GPSM1: variants seen among roughly 807,000 people sequenced by gnomAD.
GPSM1 encodes G protein-signaling modulator 1.
GPSM1 carries 48 observed loss-of-function variants against 70.5 expected under a neutral mutation model. The ratio of observed to expected loss-of-function variants is 0.68; its 90% CI spans 0.54 to 0.87. The LOEUF (loss-of-function observed/expected upper bound fraction) is 0.87. Ranked by LOEUF, GPSM1 falls within the 40% of genes least tolerant of loss-of-function variation. GPSM1 has a pLI of 0.00. For synonymous variants in GPSM1, 416 were observed against 430.1 expected, an observed-to-expected ratio of 0.97 and a Z score of 0.41; for missense variants, 981 against 972.6, an observed-to-expected ratio of 1.01 and a Z score of -0.11.
chr9:136,336,023 C>G lies in GPSM1; in HGVS notation c.348C>G (p.Leu116=), dbSNP rs782297114. 6.8e-6 allele frequency: 11 copies of G among 1,612,610 alleles called. No individual in the cohort carries two copies. The South Asian group carries it at 1.1e-4, about 16-fold the overall frequency. The change falls in exon 3 of 14, where the codon CTC becomes CTG. Residue 116 remains leucine (L), a synonymous_variant. Coordinates refer to ENST00000440944, the MANE Select transcript of GPSM1 (RefSeq NM_001145638.3). The stretch of plus-strand genomic sequence containing the variant: ...CCAGTGGAAACCTGGGAAACACACT[C>G]AAGGTCCTGGGGCGCTTCGACGAGG... ...AKASGNLGNT[L]KVLGRFDEAA... is the part of the protein sequence containing the mutation.
intron 9 of GPSM1, among the ~76,000 whole-genome samples, chr9:136,345,043 G>A (rs781900939): frequency 7.9e-5 from 12 of 152,216 alleles, no homozygotes; most frequent in Non-Finnish European, 1.5e-4. Context: ...GCAGTGAGGC[G>A]GGGACAGACT....
chr9:136,350,541 C>G (rs182560439), intron 11 of GPSM1, among the ~76,000 whole-genome samples: 2 of 152,190 alleles, frequency 1.3e-5, no homozygotes, highest in African/African-American at 4.8e-5. Context: ...GGGGCAGGAC[C>G]GATGGTGAGT....
At chr9:136,337,993 A>G in intron 6 of GPSM1, 32 bp downstream of exon 6, 1 of 1,423,944 alleles carries the variant, frequency 7.0e-7, no homozygotes, top group Non-Finnish European at 9.8e-7. Context: ...CCAGGGAGAC[A>G]GCAGGCCGGG....
At chr9:136,331,136 G>A (rs1332078646) in intron 1 of GPSM1, among the ~76,000 whole-genome samples, 3 of 152,198 alleles carry the variant, frequency 2.0e-5, no homozygotes, top group African/African-American at 4.8e-5. Context: ...GAAGCTGGGA[G>A]CCCAGCTGAG....
At chr9:136,356,582 C>G (rs549837196) in intron 13 of GPSM1, 32 bp downstream of exon 13, 1 of 1,537,568 alleles carries the variant, frequency 6.5e-7, no homozygotes, top group African/African-American at 1.4e-5. Flanking sequence ...GCGTGGCTCG[C>G]GGCCCCTTTG....
chr9:136,331,373 C>CCA (rs1832095794), intron 1 of GPSM1, among the ~76,000 whole-genome samples: 1 of 151,228 alleles, frequency 6.6e-6, no homozygotes, highest in Non-Finnish European at 1.5e-5. Context: ...AGCCCCCCCC[C>CCA]CCCGCTGCCC....
In GPSM1 at chr9:136,340,225, C is replaced by T. The variant is rs1303657670; in HGVS notation, c.1083+410C>T. Among the ~76,000 whole-genome samples, 1 of 152,178 alleles carries T rather than the reference C, an allele frequency of 6.6e-6. No homozygotes were observed. ...AGCCTGTTCATGCTAAAGACGGTGC[C>T]AGCCCCTACTGACCACCATAGACCC... On this transcript the variant is annotated intron_variant, in intron 8 of 13. Transcript: ENST00000440944. This position sits in a 1 kb window ranked among gnomAD's most constrained non-coding sequence, Gnocchi z 7.3.
Position 136,354,942 on chromosome 9 carries a change from G to A in GPSM1, c.1456-748G>A, listed in dbSNP as rs78552975. 7.7e-6 allele frequency: 8 copies of A among 1,034,536 alleles called. No individual in the cohort carries two copies. The South Asian group carries it at 1.2e-4, about 16-fold the overall frequency. The allele number at this position is 1,034,536 out of a possible 1,614,324, so 64.1% of individuals were successfully genotyped here. ...GGCCAAGGCTGGGGAGGCTGGCCCA[G>A]GGCAGGTGACGGACAGAGGCCTGGA... On this transcript the variant is annotated intron_variant, in intron 11 of 13. Transcript: ENST00000440944.
rs1832937063 is a variant in GPSM1, at chr9:136,359,409, G to A, written c.*1189G>A. Reference sequence around the variant, plus strand: ...TGGTGAGGTGACCTGCTTCTGGAGGGGCAGGGCCGCACCCGAGAGCAGGGA... The same window carrying A: ...TGGTGAGGTGACCTGCTTCTGGAGGAGCAGGGCCGCACCCGAGAGCAGGGA... On this transcript the variant is annotated 3_prime_UTR_variant, in exon 14 of 14. Transcript: ENST00000440944. 6.6e-6 allele frequency: 1 copy of A among 152,254 alleles called. No individual in the cohort carries two copies. Among genetic ancestry groups the A allele is most frequent in the Admixed American group, 6.5e-5 (1 of 15,292 alleles). The allele number at this position is 152,254 out of a possible 1,614,324, so 9.4% of individuals were successfully genotyped here.
chr9:136,347,615 C>T (rs1012346692), intron 9 of GPSM1, among the ~76,000 whole-genome samples: 13 of 152,238 alleles, frequency 8.5e-5, no homozygotes, highest in East Asian at 1.9e-4. Context: ...CTGTCCGTCC[C>T]GCCGCCTCCT....
chr9:136,331,588 C>G (rs1291993418), intron 1 of GPSM1, among the ~76,000 whole-genome samples: 1 of 152,204 alleles, frequency 6.6e-6, no homozygotes, highest in African/African-American at 2.4e-5. Flanking sequence ...GGACGCCATT[C>G]CTCTTTCCAT....
chr9:136,347,210 G>A (rs540785497), intron 9 of GPSM1, among the ~76,000 whole-genome samples: 1 of 152,274 alleles, frequency 6.6e-6, no homozygotes, highest in South Asian at 2.1e-4. Flanking sequence ...TGAGGAGGGC[G>A]CTGAGCTCCG....
intron 11 of GPSM1, among the ~76,000 whole-genome samples, chr9:136,352,011 C>A (rs1267404192): frequency 6.6e-6 from 1 of 151,898 alleles, no homozygotes; most frequent in Admixed American, 6.5e-5. Flanking sequence ...GGGCTTTCAG[C>A]TCTCAGTTGG....
At chr9:136,344,943 G>A (rs1437621609) in intron 9 of GPSM1, among the ~76,000 whole-genome samples, 2 of 152,204 alleles carry the variant, frequency 1.3e-5, no homozygotes, top group Admixed American at 1.3e-4. Context: ...TGCATGGAGA[G>A]GGGACTTAGG....
chr9:136,355,639 T>TG, intron 11 of GPSM1, 51 bp from the exon 12 acceptor site: 1 of 1,570,702 alleles, frequency 6.4e-7, no homozygotes, highest in Non-Finnish European at 8.7e-7. Context: ...CGGTCTCGTC[T>TG]GGGGGTCTGC....
In GPSM1 at chr9:136,341,591, C is replaced by T; in HGVS notation, c.1207+598C>T. The T allele has an allele frequency of 9.8e-7, 1 of 1,016,102 alleles. No homozygotes were observed. Among genetic ancestry groups the T allele is most frequent in the Non-Finnish European group, 1.2e-6 (1 of 848,266 alleles). 62.9% of individuals were successfully genotyped at this position (1,016,102 alleles called of 1,614,324 possible). On this transcript the variant is annotated intron_variant, in intron 9 of 13. Transcript: ENST00000440944. This position sits in a 1 kb window ranked among gnomAD's most constrained non-coding sequence, Gnocchi z 6.7. ...GGTGGTGCCAGGTTGGGCCGACTTC[C>T]TGAGGTGGCTGGCAGGTGGGTGAGG...
intron 11 of GPSM1, 21 bp downstream of exon 11, chr9:136,349,784 A>G: frequency 6.5e-7 from 1 of 1,549,724 alleles, no homozygotes; most frequent in Non-Finnish European, 8.7e-7. Context: ...TTGACGGCAG[A>G]TCCAGGCCGA....
intron 9 of GPSM1, among the ~76,000 whole-genome samples, chr9:136,344,497 C>T (rs1021448112): frequency 2.6e-5 from 4 of 152,178 alleles, no homozygotes; most frequent in Non-Finnish European, 5.9e-5. Context: ...CTAGCAGAGA[C>T]AGCGAGGAAG....
In GPSM1 at chr9:136,335,042, G is replaced by T. The variant is rs918790147; in HGVS notation, c.290+374G>T. ...CCCGGCAGGGAGCTGGGTTTCAGCT[G>T]ACAGGCGTGAGTGGGTCTGTGTGTC... is the stretch of plus-strand genomic sequence containing the variant. On this transcript the variant is annotated intron_variant, in intron 2 of 13. Coordinates refer to ENST00000440944, the MANE Select transcript of GPSM1 (RefSeq NM_001145638.3). 2.6e-5 allele frequency among the ~76,000 whole-genome samples: 4 copies of T among 152,174 alleles called. No homozygotes were observed. The East Asian group carries it at 7.7e-4, about 29-fold the overall frequency.
Sources: allele counts gnomAD v4.1 joint callset (sites outside exome capture counted in the v4.1 genomes callset), GRCh38; gene constraint gnomAD v4.1.1; non-coding constraint Gnocchi (gnomAD v3.1); transcripts MANE v1.5; gene names NCBI Gene and HGNC (gene_info 2026-07-23, HGNC 2026-07-21).